Variants in MEGF9 observed in about 807,000 individuals in gnomAD.
MEGF9 encodes multiple epidermal growth factor-like domains protein 9.
In MEGF9, 6 loss-of-function variants were observed where a neutral mutation model predicts 46.8. The ratio of observed to expected loss-of-function variants is 0.13; its 90% CI spans 0.07 to 0.25. The LOEUF is 0.25. Among genes scored for constraint, MEGF9 ranks in the 10% least tolerant of loss-of-function variants. MEGF9 has a pLI of 1.00. For synonymous variants in MEGF9, 302 were observed against 330.7 expected (o/e 0.91, Z 0.94); for missense variants, 683 against 792.4 (o/e 0.86, Z 1.66).
At chr9:120,675,656 A>AG (rs1554798154) in intron 1 of MEGF9, among the ~76,000 whole-genome samples, 8 of 29,012 alleles carry the variant, frequency 2.8e-4, no homozygotes, top group Admixed American at 1.4e-3. Context: ...TGGGAGGCCG[A>AG]GGGGGGTGGA....
chr9:120,655,838 T>G (rs2043674177), intron 2 of MEGF9, among the ~76,000 whole-genome samples: 3 of 152,244 alleles, frequency 2.0e-5, no homozygotes, highest in Admixed American at 2.0e-4. Context: ...ATCCTCTTTG[T>G]TGATATTTGG....
chr9:120,653,374 A>T lies in MEGF9; in HGVS notation c.803+6000T>A, dbSNP rs868762909. ...TCTGAAATAATATTTTATTTATTTT[A>T]TTTATTTTTTTTTTTGAGACAGGGT... is the stretch of plus-strand genomic sequence containing the variant. On this transcript the variant is annotated intron_variant, in intron 2 of 5. Coordinates refer to ENST00000373930, the MANE Select transcript of MEGF9 (RefSeq NM_001080497.3). Among the ~76,000 whole-genome samples the T allele has an allele frequency of 9.3e-4, 130 of 139,218 alleles. No individual in the cohort carries two copies. In the Middle Eastern group the frequency reaches 0.018, roughly 19 times the overall value. 91.3% of individuals were successfully genotyped at this position (139,218 alleles called of 152,430 possible). A position where few individuals can be genotyped will look rare whatever the true frequency, so the allele number is the denominator to read the frequency against.
chr9:120,705,650 C>T (rs1214658241), intron 1 of MEGF9, among the ~76,000 whole-genome samples: 2 of 151,128 alleles, frequency 1.3e-5, no homozygotes, highest in African/African-American at 4.9e-5. Context: ...AAATTTATCA[C>T]ATGTACTCAC....
chr9:120,639,481 C>A (rs903242071), intron 2 of MEGF9, among the ~76,000 whole-genome samples: 7 of 144,060 alleles, frequency 4.9e-5, no homozygotes, highest in African/African-American at 1.9e-4. Context: ...GCACTCCAGC[C>A]TGGGTGACAG....
At chr9:120,637,873 T>C (rs186258166) in intron 2 of MEGF9, among the ~76,000 whole-genome samples, 36 of 141,888 alleles carry the variant, frequency 2.5e-4, no homozygotes, top group African/African-American at 7.3e-4. Context: ...AAAAAGAAAA[T>C]GTAGAGACAA....
intron 3 of MEGF9, among the ~76,000 whole-genome samples, chr9:120,621,829 G>A (rs1389706219): frequency 1.3e-5 from 2 of 152,082 alleles, no homozygotes; most frequent in South Asian, 2.1e-4. Context: ...AAGGTGAGGC[G>A]GCTTGAGGGT....
At chr9:120,667,974 G>A (rs1354681052) in intron 1 of MEGF9, among the ~76,000 whole-genome samples, 2 of 152,182 alleles carry the variant, frequency 1.3e-5, no homozygotes, top group African/African-American at 2.4e-5. Context: ...GCAGTGAGAC[G>A]AGATCGTGCC....
chr9:120,714,413 G>T lies in MEGF9; in HGVS notation c.-55C>A. ...TTCTCCTCGTTGCAATCCGACCAAG[G>T]AAGCCTCCGCAACCGCCGCCGCCAC... On this transcript the variant is annotated 5_prime_UTR_variant, in exon 1 of 6. Transcript: ENST00000373930. 8.1e-7 allele frequency: 1 copy of T among 1,237,442 alleles called. No homozygotes were observed. Among genetic ancestry groups the T allele is most frequent in the East Asian group, 3.4e-5 (1 of 29,332 alleles). The allele number at this position is 1,237,442 out of a possible 1,614,324, so 76.7% of individuals were successfully genotyped here.
rs1463566053 is a variant in MEGF9 at position 120,602,491 on chromosome 9, C to T, written c.*2699G>A. The T allele has an allele frequency of 6.6e-6, 1 of 152,360 alleles. No individual in the cohort carries two copies. The highest frequency in any genetic ancestry group is 2.4e-5 in the African/African-American group (1 of 41,366). The allele number at this position is 152,360 out of a possible 1,614,324, so 9.4% of individuals were successfully genotyped here. ...AAATTATTTCCAGAATCAAAAAGCTCGAGACATTAGAGGATCTTATTTAAA... is the reference window on the plus strand; with the variant it reads ...AAATTATTTCCAGAATCAAAAAGCTTGAGACATTAGAGGATCTTATTTAAA... On this transcript the variant is annotated 3_prime_UTR_variant, in exon 6 of 6. Transcript: ENST00000373930.
intron 1 of MEGF9, among the ~76,000 whole-genome samples, chr9:120,675,905 A>AC (rs1289791259): frequency 1.3e-5 from 2 of 151,380 alleles, no homozygotes; most frequent in Non-Finnish European, 3.0e-5. Flanking sequence ...AAAAAAAAAA[A>AC]AAAAACAACC....
At chr9:120,628,110 T>C (rs2043533603) in intron 2 of MEGF9, among the ~76,000 whole-genome samples, 1 of 152,184 alleles carries the variant, frequency 6.6e-6, no homozygotes, top group Non-Finnish European at 1.5e-5. Flanking sequence ...AAAAAGTTTT[T>C]CCAACTACAA....
intron 1 of MEGF9, among the ~76,000 whole-genome samples, chr9:120,686,003 T>C (rs559878915): frequency 6.6e-6 from 1 of 151,956 alleles, no homozygotes; most frequent in African/African-American, 2.4e-5. Flanking sequence ...ACTTATGAAG[T>C]ATCTAAAGTA....
intron 4 of MEGF9, 79 bp from the exon 5 acceptor site, chr9:120,608,089 A>C (rs1418406827): frequency 8.0e-6 from 12 of 1,504,786 alleles, no homozygotes; most frequent in Non-Finnish European, 1.1e-5. Context: ...TAGTCCTTAA[A>C]AAGATTTATA....
At chr9:120,711,844 TACACAC>T (rs924373123) in intron 1 of MEGF9, among the ~76,000 whole-genome samples, 2 of 143,472 alleles carry the variant, frequency 1.4e-5, no homozygotes, top group African/African-American at 2.6e-5. Context: ...CATACATACA[TACACAC>T]ACACACACAC....
intron 2 of MEGF9, among the ~76,000 whole-genome samples, chr9:120,652,141 AGCACAC>A (rs375472919): frequency 1.7e-5 from 2 of 117,700 alleles, no homozygotes; most frequent in African/African-American, 6.5e-5. Flanking sequence ...CAAACAAACA[AGCACAC>A]ACACACACAC....
In MEGF9 at chr9:120,602,911, T is replaced by C. The variant is rs1564409950; in HGVS notation, c.*2279A>G. ...GCTTGGAGAGATGAGTTCACCTTAA[T>C]GAAGCACAAACTGGCAGTTTTGTTT... On this transcript the variant is annotated 3_prime_UTR_variant, in exon 6 of 6. Coordinates refer to ENST00000373930, the MANE Select transcript of MEGF9 (RefSeq NM_001080497.3). The C allele has an allele frequency of 6.6e-6, 1 of 152,194 alleles. No individual in the cohort carries two copies. The highest frequency in any genetic ancestry group is 1.5e-5 in the Non-Finnish European group (1 of 68,034). 9.4% of individuals were successfully genotyped at this position (152,194 alleles called of 1,614,324 possible).
chr9:120,696,178 ACTC>A (rs765062074), intron 1 of MEGF9, among the ~76,000 whole-genome samples: 4 of 152,028 alleles, frequency 2.6e-5, no homozygotes, highest in Non-Finnish European at 4.4e-5. Flanking sequence ...GATTCTGTGA[ACTC>A]CTCAATATCC....
intron 3 of MEGF9, among the ~76,000 whole-genome samples, chr9:120,612,998 G>A (rs966338132): frequency 3.9e-4 from 58 of 149,316 alleles, no homozygotes; most frequent in African/African-American, 1.4e-3. Flanking sequence ...CATTACACCC[G>A]GCTAATTTTT....
At chr9:120,686,247 C>T (rs765103994) in intron 1 of MEGF9, among the ~76,000 whole-genome samples, 3 of 152,054 alleles carry the variant, frequency 2.0e-5, no homozygotes, top group Non-Finnish European at 4.4e-5. Context: ...CCCGCCACCA[C>T]GCCTGGATAA....
Sources: allele counts gnomAD v4.1 joint callset (sites outside exome capture counted in the v4.1 genomes callset), GRCh38; gene constraint gnomAD v4.1.1; transcripts MANE v1.5; gene names NCBI Gene and HGNC (gene_info 2026-07-23, HGNC 2026-07-21).